Variants in RAPGEF1 observed in about 807,000 individuals in gnomAD.
RAPGEF1 encodes CRK SH3-binding GNRP.
A neutral mutation model predicts 143.3 loss-of-function variants in RAPGEF1; 33 were observed. That is an observed-to-expected ratio of 0.23 (90% CI 0.17 to 0.31). The LOEUF (loss-of-function observed/expected upper bound fraction) is 0.31. Ranked by LOEUF, RAPGEF1 falls within the 10% of genes least tolerant of loss-of-function variation. The pLI, the probability that RAPGEF1 is intolerant of heterozygous loss-of-function variation, is 1.00. For missense variants in RAPGEF1, 1,199 were observed against 1,645.4 expected (o/e 0.73, Z 4.69); for synonymous variants, 629 against 676.5 (o/e 0.93, Z 1.09).
In RAPGEF1 at chr9:131,626,097, G is replaced by A. The variant is rs559508150; in HGVS notation, c.1527C>T (p.Asp509=). The A allele has an allele frequency of 1.9e-6, 3 of 1,613,948 alleles. No homozygotes were observed. Among genetic ancestry groups the A allele is most frequent in the Non-Finnish European group, 2.5e-6 (3 of 1,179,878 alleles). The change falls in exon 10 of 27, where the codon GAC becomes GAT. Residue 509 remains aspartate (D), a synonymous_variant. Coordinates refer to ENST00000683357, the MANE Select transcript of RAPGEF1 (RefSeq NM_001377935.1). ...PSQYDNISGE[D]LQSTAPIPSV... ...ATGGGATCGGGGCTGTGCTCTGCAGGTCCTCCCCAGAGATGTTGTCATACT... is the reference window on the plus strand; with the variant it reads ...ATGGGATCGGGGCTGTGCTCTGCAGATCCTCCCCAGAGATGTTGTCATACT...
At chr9:131,646,650 C>G (rs1969727923) in intron 3 of RAPGEF1, among the ~76,000 whole-genome samples, 1 of 152,220 alleles carries the variant, frequency 6.6e-6, no homozygotes, top group African/African-American at 2.4e-5. Flanking sequence ...CCATCTGCAG[C>G]CTGGGTGCCT....
intron 22 of RAPGEF1, among the ~76,000 whole-genome samples, chr9:131,585,017 C>T (rs952202237): frequency 4.6e-5 from 7 of 152,108 alleles, no homozygotes; most frequent in African/African-American, 1.4e-4. Context: ...TGGGCAGCCA[C>T]GAGGGAAGGA....
At chr9:131,580,669 TGTGGGCTGCTAAA>T (rs1320655769) in intron 25 of RAPGEF1, among the ~76,000 whole-genome samples, 22 of 151,896 alleles carry the variant, frequency 1.4e-4, no homozygotes, top group African/African-American at 4.6e-4. Context: ...AGGGCGAAGC[TGTGGGCTGCTAAA>T]GTAACATTAA....
intron 1 of RAPGEF1, among the ~76,000 whole-genome samples, chr9:131,678,666 C>A (rs1367628363): frequency 6.6e-6 from 1 of 152,172 alleles, no homozygotes; most frequent in African/African-American, 2.4e-5. Context: ...CAGCTCAGAG[C>A]GGTTAAGTGC....
chr9:131,595,348 A>G (rs780548034), intron 17 of RAPGEF1, among the ~76,000 whole-genome samples: 4 of 152,216 alleles, frequency 2.6e-5, no homozygotes, highest in Non-Finnish European at 5.9e-5. Context: ...TGCAATGTAA[A>G]TATTTTTTAG....
rs1203955495 is a variant in RAPGEF1, at chr9:131,577,755, AATAATAAAGTG to A, written c.*1731_*1741del. On this transcript the variant is annotated 3_prime_UTR_variant, in exon 27 of 27. Coordinates refer to ENST00000683357, the MANE Select transcript of RAPGEF1 (RefSeq NM_001377935.1). ...AGCGACTCTACACACACACTCCTTA[AATAATAAAGTG>A]ACAGGTCCCGGCTGGCCCCGCAAGA... 1 of 152,226 alleles carries A rather than the reference AATAATAAAGTG, an allele frequency of 6.6e-6. No individual in the cohort carries two copies. Among genetic ancestry groups the A allele is most frequent in the Non-Finnish European group, 1.5e-5 (1 of 68,044 alleles). The allele number at this position is 152,226 out of a possible 1,614,324, so 9.4% of individuals were successfully genotyped here.
intron 1 of RAPGEF1, among the ~76,000 whole-genome samples, chr9:131,705,816 G>A (rs1047420893): frequency 2.2e-4 from 33 of 152,304 alleles, no homozygotes; most frequent in African/African-American, 7.5e-4. Flanking sequence ...GCTCTGTAGG[G>A]TGACAGCAGG....
chr9:131,651,913 A>T (rs777487608), intron 1 of RAPGEF1, among the ~76,000 whole-genome samples: 5 of 152,244 alleles, frequency 3.3e-5, no homozygotes, highest in Non-Finnish European at 4.4e-5. Context: ...ACAGTACGGT[A>T]CTGTACTGAG....
intron 26 of RAPGEF1, 96 bp from the exon 27 acceptor site, chr9:131,579,743 C>T: frequency 7.5e-7 from 1 of 1,324,646 alleles, no homozygotes. Flanking sequence ...GGACCATCCC[C>T]ACAGCCTCGC....
rs1357093574 is a variant in RAPGEF1, at chr9:131,675,795, T to G, written c.62-24846A>C. Among the ~76,000 whole-genome samples, 2 of 152,216 alleles carry G rather than the reference T, an allele frequency of 1.3e-5. No homozygotes were observed. Among genetic ancestry groups the G allele is most frequent in the East Asian group, 1.9e-4 (1 of 5,200 alleles). On this transcript the variant is annotated intron_variant, in intron 1 of 26. Transcript: ENST00000683357. The surrounding 1 kb of genome is among the most constrained non-coding windows in gnomAD (Gnocchi z 4.6). ...TACGCCAGCCCTGACAGGCAGACAT[T>G]AATTGCCATTTTGCAGATGAAGAAA...
At chr9:131,708,241 A>G (rs1384766822) in intron 1 of RAPGEF1, among the ~76,000 whole-genome samples, 1 of 152,210 alleles carries the variant, frequency 6.6e-6, no homozygotes, top group East Asian at 1.9e-4. Flanking sequence ...GCAGTTGTGA[A>G]AAAACTGTCT....
At chr9:131,662,260 A>T (rs567579555) in intron 1 of RAPGEF1, among the ~76,000 whole-genome samples, 1 of 152,266 alleles carries the variant, frequency 6.6e-6, no homozygotes, top group East Asian at 1.9e-4. Context: ...TAAAGACCCG[A>T]GTCCTTAAGC....
intron 1 of RAPGEF1, among the ~76,000 whole-genome samples, chr9:131,695,692 C>T (rs1219403122): frequency 6.6e-6 from 1 of 152,170 alleles, no homozygotes; most frequent in African/African-American, 2.4e-5. Context: ...CTTAACTGTC[C>T]ATATGCAGCC....
intron 1 of RAPGEF1, among the ~76,000 whole-genome samples, chr9:131,680,370 G>T (rs1007631642): frequency 1.3e-5 from 2 of 152,192 alleles, no homozygotes; most frequent in African/African-American, 4.8e-5. Context: ...AGGAGGAGAG[G>T]AGTGTTGGGA....
At chr9:131,657,878 T>C (rs916291552) in intron 1 of RAPGEF1, among the ~76,000 whole-genome samples, 2 of 152,246 alleles carry the variant, frequency 1.3e-5, no homozygotes, top group Non-Finnish European at 1.5e-5. Context: ...ACTTATAAGT[T>C]TGTGAACGTT....
chr9:131,628,104 G>T lies in RAPGEF1; in HGVS notation c.1018-8C>A, dbSNP rs1963791783. On this transcript the variant is annotated splice_region_variant and splice_polypyrimidine_tract_variant and intron_variant, in intron 8 of 26. Transcript: ENST00000683357. This position sits in a 1 kb window ranked among gnomAD's most constrained non-coding sequence, Gnocchi z 5.7. ...ACAGTCAACATCAAAATCCTCAAGT[G>T]GAAAAAGAAAAACAAAGCCAAATCA... 1 of 1,527,010 alleles carries T rather than the reference G, an allele frequency of 6.5e-7. No homozygotes were observed. The highest frequency in any genetic ancestry group is 8.8e-7 in the Non-Finnish European group (1 of 1,134,132). 94.6% of individuals were successfully genotyped at this position (1,527,010 alleles called of 1,614,324 possible).
intron 1 of RAPGEF1, among the ~76,000 whole-genome samples, chr9:131,679,504 T>C (rs1254241859): frequency 6.6e-6 from 1 of 152,266 alleles, no homozygotes; most frequent in Non-Finnish European, 1.5e-5. Context: ...CAGATTTTTA[T>C]AACATTAAAT....
chr9:131,724,883 G>A (rs908416403), intron 1 of RAPGEF1, among the ~76,000 whole-genome samples: 31 of 152,154 alleles, frequency 2.0e-4, no homozygotes, highest in Admixed American at 1.1e-3. Flanking sequence ...AAAAACAGCA[G>A]CCACAGTCTG....
At position 131,650,192 on chromosome 9, in the gene RAPGEF1, C is replaced by T. The variant is rs562717254; in HGVS notation, c.252G>A (p.Leu84=). The change falls in exon 3 of 27, where the codon CTG becomes CTA. Residue 84 remains leucine (L), a synonymous_variant. Transcript: ENST00000683357. This position sits in a 1 kb window ranked among gnomAD's most constrained non-coding sequence, Gnocchi z 4.7. ...LPEGYPLPLD[L]EQQAVEFMST... The stretch of plus-strand genomic sequence containing the variant: ...ACATAAATTCTACTGCCTGCTGCTC[C>T]AGATCCAAGGGGAGAGGGTAGCCCT... The T allele has an allele frequency of 3.8e-5, 61 of 1,613,934 alleles. No individual in the cohort carries two copies. The Admixed American group carries it at 8.5e-4, about 22-fold the overall frequency.
Sources: allele counts gnomAD v4.1 joint callset (sites outside exome capture counted in the v4.1 genomes callset), GRCh38; gene constraint gnomAD v4.1.1; non-coding constraint Gnocchi (gnomAD v3.1); transcripts MANE v1.5; gene names NCBI Gene and HGNC (gene_info 2026-07-23, HGNC 2026-07-21).